Variants in EPHA6 observed in about 807,000 individuals in gnomAD.
The protein encoded by EPHA6 is ephrin type-A receptor 6.
EPHA6 carries 50 observed loss-of-function variants against 112.0 expected under a neutral mutation model. That is an observed-to-expected ratio of 0.45 (90% CI 0.36 to 0.56). The LOEUF (loss-of-function observed/expected upper bound fraction) is 0.56. EPHA6 is among the 20% of genes least tolerant of loss of function. The pLI is 0.00. For synonymous variants in EPHA6, 529 were observed against 490.7 expected (o/e 1.08, Z -1.03); for missense variants, 1,280 against 1,417.4 (o/e 0.90, Z 1.56).
At chr3:97,364,724 A>G (rs2084616722) in intron 5 of EPHA6, among the ~76,000 whole-genome samples, 1 of 152,138 alleles carries the variant, frequency 6.6e-6, no homozygotes, top group African/African-American at 2.4e-5. Flanking sequence ...TATTTAAATA[A>G]TGTGTGATTT....
At chr3:96,874,595 A>G (rs1191052053) in intron 2 of EPHA6, among the ~76,000 whole-genome samples, 1 of 152,094 alleles carries the variant, frequency 6.6e-6, no homozygotes, top group Non-Finnish European at 1.5e-5. Flanking sequence ...GGGCTTGCTA[A>G]GGGATACCAG....
At chr3:97,024,375 A>G (rs2044563850) in intron 3 of EPHA6, among the ~76,000 whole-genome samples, 1 of 152,148 alleles carries the variant, frequency 6.6e-6, no homozygotes, top group South Asian at 2.1e-4. Flanking sequence ...AGAACATGCC[A>G]TTTTATGACT....
At chr3:96,991,860 A>G (rs2107863510) in intron 3 of EPHA6, among the ~76,000 whole-genome samples, 1 of 152,296 alleles carries the variant, frequency 6.6e-6, no homozygotes, top group South Asian at 2.1e-4. Context: ...GGATAATTGG[A>G]AAATTTTCTC....
chr3:97,676,728 A>C (rs1409596831), intron 14 of EPHA6, among the ~76,000 whole-genome samples: 1 of 152,174 alleles, frequency 6.6e-6, no homozygotes, highest in African/African-American at 2.4e-5. Context: ...TTTAGATGGG[A>C]GTATGAACTG....
At chr3:96,995,313 AAAGGT>A (rs2043380186) in intron 3 of EPHA6, among the ~76,000 whole-genome samples, 1 of 152,096 alleles carries the variant, frequency 6.6e-6, no homozygotes, top group South Asian at 2.1e-4. Flanking sequence ...TGAAAAGCTG[AAAGGT>A]AAGATTGGGA....
At chr3:97,044,457 G>A (rs2045432360) in intron 3 of EPHA6, among the ~76,000 whole-genome samples, 1 of 152,156 alleles carries the variant, frequency 6.6e-6, no homozygotes, top group Non-Finnish European at 1.5e-5. Flanking sequence ...ATGATAGTTA[G>A]AATTATCCTA....
intron 3 of EPHA6, among the ~76,000 whole-genome samples, chr3:96,999,223 C>A (rs1310257394): frequency 4.0e-5 from 6 of 151,848 alleles, no homozygotes; most frequent in Non-Finnish European, 8.8e-5. Flanking sequence ...ACTGTGTCAT[C>A]AGTTTTTTTA....
chr3:97,366,277 T>C (rs1382652141), intron 5 of EPHA6, among the ~76,000 whole-genome samples: 2 of 152,214 alleles, frequency 1.3e-5, no homozygotes. Context: ...ATAAAAGCAA[T>C]ATGTTGGGTG....
At chr3:96,912,845 G>C (rs115426170) in intron 2 of EPHA6, among the ~76,000 whole-genome samples, 3,507 of 152,082 alleles carry the variant, frequency 0.023, 140 homozygotes, top group African/African-American at 0.08. Context: ...TCCTGCCTTG[G>C]CCTTCCAAAA....
At chr3:97,248,337 C>T (rs895935447) in intron 5 of EPHA6, among the ~76,000 whole-genome samples, 44 of 151,874 alleles carry the variant, frequency 2.9e-4, no homozygotes, top group African/African-American at 1.1e-3. Context: ...GAGAGCAAAA[C>T]AAGAAAGCAA....
chr3:97,349,020 T>C (rs1445402520), intron 5 of EPHA6, among the ~76,000 whole-genome samples: 1 of 152,114 alleles, frequency 6.6e-6, no homozygotes, highest in Admixed American at 6.6e-5. Flanking sequence ...AAGAGTTCTT[T>C]TATACTGCCC....
chr3:97,517,445 T>A (rs1471494037), intron 10 of EPHA6, among the ~76,000 whole-genome samples: 1 of 151,932 alleles, frequency 6.6e-6, no homozygotes, highest in Non-Finnish European at 1.5e-5. Context: ...ACGTCTGGGT[T>A]TTTTTTTCTT....
chr3:96,877,162 A>G (rs2037011237), intron 2 of EPHA6, among the ~76,000 whole-genome samples: 1 of 152,158 alleles, frequency 6.6e-6, no homozygotes, highest in Admixed American at 6.6e-5. Flanking sequence ...ATAATTTGAT[A>G]CTAACTTTGG....
intron 14 of EPHA6, among the ~76,000 whole-genome samples, chr3:97,685,584 C>T (rs1292207127): frequency 6.6e-6 from 1 of 152,104 alleles, no homozygotes; most frequent in East Asian, 1.9e-4. Context: ...GTCACTGTAA[C>T]AGGAGGAAAG....
At chr3:97,175,479 G>T (rs1050133737) in intron 3 of EPHA6, among the ~76,000 whole-genome samples, 2 of 151,952 alleles carry the variant, frequency 1.3e-5, no homozygotes, top group African/African-American at 4.8e-5. Context: ...GGATTGTTTT[G>T]TGTAGTATGG....
intron 15 of EPHA6, among the ~76,000 whole-genome samples, chr3:97,720,864 G>A (rs1196241438): frequency 6.6e-6 from 1 of 152,110 alleles, no homozygotes; most frequent in Non-Finnish European, 1.5e-5. Flanking sequence ...ATCTAGTACG[G>A]TTCTTTTGAT....
chr3:97,689,338 G>GT (rs2032487517), intron 14 of EPHA6, among the ~76,000 whole-genome samples: 1 of 152,226 alleles, frequency 6.6e-6, no homozygotes. Flanking sequence ...GTGTAATAGA[G>GT]TATAAGAGTA....
intron 13 of EPHA6, among the ~76,000 whole-genome samples, chr3:97,620,629 G>A (rs999900169): frequency 4.0e-5 from 6 of 151,814 alleles, no homozygotes; most frequent in African/African-American, 1.4e-4. Flanking sequence ...ACATGTAAAA[G>A]GAGACATACA....
At chr3:97,355,645 CA>C (rs1212276577) in intron 5 of EPHA6, among the ~76,000 whole-genome samples, 1 of 152,012 alleles carries the variant, frequency 6.6e-6, no homozygotes, top group Non-Finnish European at 1.5e-5. Flanking sequence ...ACCCAGAAAA[CA>C]AATAACAAAG....
Sources: allele counts gnomAD v4.1 joint callset (sites outside exome capture counted in the v4.1 genomes callset), GRCh38; gene constraint gnomAD v4.1.1; transcripts MANE v1.5; gene names NCBI Gene and HGNC (gene_info 2026-07-23, HGNC 2026-07-21).